Variants in PPP1R2 observed in about 807,000 individuals in gnomAD.
The protein encoded by PPP1R2 is protein phosphatase 1 regulatory inhibitor subunit 2.
PPP1R2 carries 16 observed loss-of-function variants against 29.9 expected under a neutral mutation model. The observed-to-expected ratio is 0.53, with a 90% CI of 0.36 to 0.81. The LOEUF is 0.81. Ranked by LOEUF, PPP1R2 falls within the 30% of genes least tolerant of loss-of-function variation. PPP1R2 has a pLI of 0.00. For missense variants in PPP1R2, 197 were observed against 252.7 expected, an observed-to-expected ratio of 0.78 and a Z score of 1.49; for synonymous variants, 76 against 91.5, an observed-to-expected ratio of 0.83 and a Z score of 0.96.
chr3:195,537,481 T>TTGTGTGTGTGTGTGTG (rs71180930), intron 1 of PPP1R2, among the ~76,000 whole-genome samples: 4,159 of 128,412 alleles, frequency 0.032, 113 homozygotes, highest in Admixed American at 0.079. Context: ...GGATTAGCTA[T>TTGTGTGTGTGTGTGTG]TGTGTGTGTG....
At chr3:195,518,418 G>A (rs990666419) in intron 5 of PPP1R2, among the ~76,000 whole-genome samples, 1 of 152,068 alleles carries the variant, frequency 6.6e-6, no homozygotes, top group African/African-American at 2.4e-5. Context: ...TTGGGAGGCC[G>A]AGGCGGGCGG....
At chr3:195,542,662 T>C (rs750113978) in intron 1 of PPP1R2, among the ~76,000 whole-genome samples, 10 of 152,012 alleles carry the variant, frequency 6.6e-5, no homozygotes, top group Non-Finnish European at 1.2e-4. Context: ...TTACAGAAAG[T>C]TCAAAGATGA....
intron 4 of PPP1R2, among the ~76,000 whole-genome samples, chr3:195,520,567 A>G (rs772234122): frequency 1.3e-5 from 2 of 152,224 alleles, no homozygotes; most frequent in Non-Finnish European, 2.9e-5. Flanking sequence ...AGCCGCGACT[A>G]TGCCACTGCA....
At chr3:195,540,740 C>G (rs1719563255) in intron 1 of PPP1R2, among the ~76,000 whole-genome samples, 1 of 152,206 alleles carries the variant, frequency 6.6e-6, no homozygotes, top group South Asian at 2.1e-4. Context: ...ATGCCCTGCA[C>G]CACCTTGGAA....
chr3:195,526,981 C>G (rs1354604083), intron 2 of PPP1R2, among the ~76,000 whole-genome samples: 4 of 151,604 alleles, frequency 2.6e-5, no homozygotes. Flanking sequence ...CGGGGTTTCA[C>G]CATGTTGGCT....
chr3:195,522,710 A>C (rs1298663056), intron 4 of PPP1R2, among the ~76,000 whole-genome samples: 1 of 152,242 alleles, frequency 6.6e-6, no homozygotes, highest in Non-Finnish European at 1.5e-5. Flanking sequence ...TATTAGGCTC[A>C]GCCCATCATA....
chr3:195,535,375 T>C (rs1184953638), intron 1 of PPP1R2, among the ~76,000 whole-genome samples: 2 of 152,206 alleles, frequency 1.3e-5, no homozygotes, highest in African/African-American at 2.4e-5. Context: ...TGGAAGGGTT[T>C]CACCACTGTG....
At chr3:195,532,466 C>G (rs980693706) in intron 1 of PPP1R2, among the ~76,000 whole-genome samples, 6 of 152,078 alleles carry the variant, frequency 3.9e-5, no homozygotes, top group African/African-American at 1.4e-4. Flanking sequence ...ACTGGGTAAA[C>G]AGAGCTTGCT....
chr3:195,528,122 G>A (rs1275803990), intron 2 of PPP1R2, among the ~76,000 whole-genome samples: 2 of 152,056 alleles, frequency 1.3e-5, no homozygotes, highest in Non-Finnish European at 2.9e-5. Flanking sequence ...GGCACCCAAT[G>A]TGTAGTCTTT....
intron 1 of PPP1R2, among the ~76,000 whole-genome samples, chr3:195,537,487 G>GTGTGTGTGTGTGTGTGTA (rs1719436502): frequency 1.5e-5 from 2 of 130,328 alleles, no homozygotes; most frequent in Non-Finnish European, 3.4e-5. Context: ...GCTATTGTGT[G>GTGTGTGTGTGTGTGTGTA]TGTGTGTGTG....
intron 1 of PPP1R2, among the ~76,000 whole-genome samples, chr3:195,531,768 C>T (rs1719187605): frequency 6.6e-6 from 1 of 152,158 alleles, no homozygotes; most frequent in African/African-American, 2.4e-5. Flanking sequence ...GCATTAAGAA[C>T]ATCACATCAT....
At chr3:195,522,441 C>A (rs1277792000) in intron 4 of PPP1R2, among the ~76,000 whole-genome samples, 2 of 152,168 alleles carry the variant, frequency 1.3e-5, no homozygotes, top group East Asian at 3.8e-4. Context: ...AATGGCTCCC[C>A]CTGCTGGTTG....
intron 3 of PPP1R2, 23 bp downstream of exon 3, chr3:195,524,796 G>A (rs1359354320): frequency 1.2e-6 from 2 of 1,611,454 alleles, no homozygotes; most frequent in African/African-American, 2.7e-5. Context: ...AAGTGAAAAT[G>A]TGCTCCGGTC....
intron 1 of PPP1R2, among the ~76,000 whole-genome samples, chr3:195,531,030 C>T (rs889634332): frequency 1.6e-4 from 25 of 151,928 alleles, no homozygotes; most frequent in African/African-American, 5.6e-4. Context: ...ACCATGTTGG[C>T]CAGGCTGGTC....
In PPP1R2 at chr3:195,518,891, A is replaced by AT. The variant is rs952771909; in HGVS notation, c.571+126dup. On this transcript the variant is annotated intron_variant, in intron 5 of 5. Transcript: ENST00000618156. ...CCATGCGGGTTAAAACTTTAGAAAC[A>AT]TTTGGTATAATAAAGCGAATCTCAG... The AT allele has an allele frequency of 2.5e-5, 35 of 1,407,728 alleles. No individual in the cohort carries two copies. In the African/African-American group the frequency reaches 4.0e-4, roughly 16 times the overall value. 87.2% of individuals were successfully genotyped at this position (1,407,728 alleles called of 1,614,324 possible). A position where few individuals can be genotyped will look rare whatever the true frequency, so the allele number is the denominator to read the frequency against.
rs1030665570 is a variant in PPP1R2 at position 195,515,536 on chromosome 3, C to T, written c.*1360G>A. On this transcript the variant is annotated 3_prime_UTR_variant, in exon 6 of 6. Transcript: ENST00000618156. ...GGCTAGAAATGAAACCATAACTAAA[C>T]CAAGACACACAGGGCTTTCCTGCAC... 2.0e-5 allele frequency: 3 copies of T among 152,492 alleles called. No individual in the cohort carries two copies. The highest frequency in any genetic ancestry group is 4.4e-5 in the Non-Finnish European group (3 of 67,988). The allele number at this position is 152,492 out of a possible 1,614,324, so 9.4% of individuals were successfully genotyped here.
chr3:195,532,215 CT>C lies in PPP1R2; in HGVS notation c.123-2315del, dbSNP rs146508182. Among the ~76,000 whole-genome samples, 941 of 120,172 alleles carry C rather than the reference CT, an allele frequency of 7.8e-3. 11 individuals are homozygous for C. Among genetic ancestry groups the C allele is most frequent in the Middle Eastern group, 0.055 (12 of 220 alleles). The allele number at this position is 120,172 out of a possible 152,430, so 78.8% of individuals were successfully genotyped here. A position where few individuals can be genotyped will look rare whatever the true frequency, so the allele number is the denominator to read the frequency against. On this transcript the variant is annotated intron_variant, in intron 1 of 5. Coordinates refer to ENST00000618156, the MANE Select transcript of PPP1R2 (RefSeq NM_006241.8). ...CCAGCTAATTTTTCTTTTTCTTTTT[CT>C]TTTTTTTTTTTTTTTTTTACAGGTG...
chr3:195,542,781 CAGG>C (rs1259383576), intron 1 of PPP1R2, 120 bp downstream of exon 1: 7 of 1,192,154 alleles, frequency 5.9e-6, no homozygotes, highest in Middle Eastern at 2.4e-4. Flanking sequence ...GCTAGCCGGG[CAGG>C]AGAAGAGACT....
chr3:195,538,373 C>T (rs1380338911), intron 1 of PPP1R2, among the ~76,000 whole-genome samples: 2 of 152,172 alleles, frequency 1.3e-5, no homozygotes, highest in African/African-American at 4.8e-5. Context: ...TTGCACATTT[C>T]AAGAAATGGT....
Sources: allele counts gnomAD v4.1 joint callset (sites outside exome capture counted in the v4.1 genomes callset), GRCh38; gene constraint gnomAD v4.1.1; transcripts MANE v1.5; gene names NCBI Gene and HGNC (gene_info 2026-07-23, HGNC 2026-07-21).